The following PIGH variants were observed in gnomAD, a reference collection of about 807,000 sequenced individuals.
PIGH encodes phosphatidylinositol N-acetylglucosaminyltransferase subunit H.
In PIGH, 11 loss-of-function variants were observed where a neutral mutation model predicts 20.1. The observed-to-expected ratio is 0.55, with a 90% CI of 0.34 to 0.91. The LOEUF (loss-of-function observed/expected upper bound fraction) is 0.91, where lower values mean the gene tolerates loss of function less well. Ranked by LOEUF, PIGH falls within the 40% of genes least tolerant of loss-of-function variation. PIGH has a pLI of 0.02. For missense variants in PIGH, 189 were observed against 233.6 expected, an observed-to-expected ratio of 0.81 and a Z score of 1.24; for synonymous variants, 72 against 93.1, an observed-to-expected ratio of 0.77 and a Z score of 1.31.
Position 67,593,792 on chromosome 14 carries a change from A to G in PIGH, c.341T>C (p.Ile114Thr). The G allele has an allele frequency of 6.2e-7, 1 of 1,613,744 alleles. No homozygotes were observed. ...YASGKESTTF[I>T]EMGKVKDIVI... is the part of the protein sequence containing the mutation. ...AATATCCTTGACCTTGCCCATTTCT[A>G]TGAAGGTAGTGCTTTCTTTGCCTGA... Residue 114 changes from isoleucine to threonine, a missense_variant, in exon 2 of 4, where the codon ATA becomes ACA. Ile to Thr is a moderately conservative substitution (Grantham distance 89, BLOSUM62 -1). Transcript: ENST00000216452.
chr14:67,594,857 C>T (rs929422522), intron 1 of PIGH, among the ~76,000 whole-genome samples: 1 of 152,138 alleles, frequency 6.6e-6, no homozygotes, highest in Non-Finnish European at 1.5e-5. Context: ...GTGCTCAGAA[C>T]ACTTACATTA....
chr14:67,597,177 C>A (rs1175777558), intron 1 of PIGH, among the ~76,000 whole-genome samples: 1 of 152,184 alleles, frequency 6.6e-6, no homozygotes, highest in East Asian at 1.9e-4. Context: ...ACTATCTAGT[C>A]TTTTAATGAA....
Position 67,590,148 on chromosome 14 carries a change from A to G in PIGH, c.499T>C (p.Leu167=). The G allele has an allele frequency of 6.4e-7, 1 of 1,551,272 alleles. No homozygotes were observed. The highest frequency in any genetic ancestry group is 1.2e-5 in the South Asian group (1 of 84,022). The change falls in exon 4 of 4, where the codon TTG becomes CTG. Residue 167 remains leucine, a synonymous_variant. Transcript: ENST00000216452. ...TGGCAGCTCCTGTATACTTCAATCA[A>G]GCAGTCCAGCCGGGGCTTGGCACTC... ...FQSAKPRLDC[L]IEVYRSCQEI...
chr14:67,590,415 G>A (rs748706309), intron 3 of PIGH, among the ~76,000 whole-genome samples: 19 of 152,240 alleles, frequency 1.2e-4, no homozygotes, highest in Non-Finnish European at 2.5e-4. Context: ...ACCACGCCCA[G>A]TGGCACAATC....
At chr14:67,599,987 C>T (rs1236144508) in intron 1 of PIGH, 37 bp downstream of exon 1, 1 of 1,524,066 alleles carries the variant, frequency 6.6e-7, no homozygotes, top group East Asian at 2.5e-5. Flanking sequence ...GCCGAACCCC[C>T]TCCTTCGAGC....
At chr14:67,596,661 T>C (rs1350976395) in intron 1 of PIGH, among the ~76,000 whole-genome samples, 3 of 152,136 alleles carry the variant, frequency 2.0e-5, no homozygotes, top group African/African-American at 4.8e-5. Flanking sequence ...CACCCAATTG[T>C]AGCAAGAATC....
chr14:67,592,595 G>C, intron 3 of PIGH, 40 bp downstream of exon 3: 1 of 1,170,994 alleles, frequency 8.5e-7, no homozygotes. Flanking sequence ...TGAAAAGGTT[G>C]AGGAGTAATT....
At chr14:67,595,091 C>T (rs974132989) in intron 1 of PIGH, among the ~76,000 whole-genome samples, 2 of 151,972 alleles carry the variant, frequency 1.3e-5, no homozygotes, top group Non-Finnish European at 2.9e-5. Flanking sequence ...GAGCCGAGAT[C>T]GCGCCACTGC....
chr14:67,589,503 T>C lies in PIGH; in HGVS notation c.*577A>G, dbSNP rs1019392312. 9.1e-6 allele frequency: 9 copies of C among 985,156 alleles called. No individual in the cohort carries two copies. In the African/African-American group the frequency reaches 1.6e-4, roughly 17 times the overall value. 61.0% of individuals were successfully genotyped at this position (985,156 alleles called of 1,614,324 possible). A position where few individuals can be genotyped will look rare whatever the true frequency, so the allele number is the denominator to read the frequency against. Reference sequence around the variant, plus strand: ...ATGACTGAAATACTATGATCTTGTTTGTCAATAAAAAGCAGCTATCTGTGA... The same window carrying C: ...ATGACTGAAATACTATGATCTTGTTCGTCAATAAAAAGCAGCTATCTGTGA... On this transcript the variant is annotated 3_prime_UTR_variant, in exon 4 of 4. Transcript: ENST00000216452.
intron 3 of PIGH, among the ~76,000 whole-genome samples, chr14:67,591,188 G>A (rs2036360600): frequency 6.6e-6 from 1 of 152,048 alleles, no homozygotes; most frequent in South Asian, 2.1e-4. Flanking sequence ...GGTAATACAA[G>A]GAAATATGAA....
At chr14:67,593,131 G>T in intron 2 of PIGH, 1 of 165,892 alleles carries the variant, frequency 6.0e-6, no homozygotes, top group Non-Finnish European at 1.3e-5. Flanking sequence ...TTTCACAAAT[G>T]TTTAAGTAGT....
chr14:67,594,584 C>T (rs1437721822), intron 1 of PIGH, among the ~76,000 whole-genome samples: 3 of 151,180 alleles, frequency 2.0e-5, no homozygotes, highest in African/African-American at 7.3e-5. Context: ...GAGGCGGAGG[C>T]GGAGGTTGCA....
At chr14:67,591,221 C>T (rs2036361409) in intron 3 of PIGH, among the ~76,000 whole-genome samples, 1 of 152,024 alleles carries the variant, frequency 6.6e-6, no homozygotes, top group Non-Finnish European at 1.5e-5. Flanking sequence ...TAAAGAGATA[C>T]AAATTTAATG....
chr14:67,594,685 C>T (rs1246189625), intron 1 of PIGH, among the ~76,000 whole-genome samples: 1 of 151,694 alleles, frequency 6.6e-6, no homozygotes, highest in Non-Finnish European at 1.5e-5. Flanking sequence ...TCCTTTCACA[C>T]TCCCTCAGCA....
chr14:67,596,252 C>G (rs1281538736), intron 1 of PIGH, among the ~76,000 whole-genome samples: 1 of 148,650 alleles, frequency 6.7e-6, no homozygotes, highest in Non-Finnish European at 1.5e-5. Context: ...CCTCAGCCTC[C>G]CTAGTAGCTG....
At chr14:67,599,938 G>A in intron 1 of PIGH, 86 bp downstream of exon 1, 1 of 1,164,194 alleles carries the variant, frequency 8.6e-7, no homozygotes, top group Non-Finnish European at 1.2e-6. Flanking sequence ...GCCGACCAGA[G>A]GTCCGGGCTC....
intron 3 of PIGH, chr14:67,592,272 T>TA: frequency 5.0e-6 from 2 of 400,790 alleles, no homozygotes; most frequent in Admixed American, 3.0e-5. Flanking sequence ...TCATCTCTAC[T>TA]AAAAATAAAA....
At position 67,593,966 on chromosome 14, in the gene PIGH, C is replaced by G; in HGVS notation, c.181-14G>C. 6.4e-7 allele frequency: 1 copy of G among 1,561,918 alleles called. No homozygotes were observed. Among genetic ancestry groups the G allele is most frequent in the Non-Finnish European group, 8.8e-7 (1 of 1,137,254 alleles). ...GATCATGCTGTTCTGAAGAGAGAGC[C>G]AGACACAGACAGTAAGATTACCAAG... On this transcript the variant is annotated splice_polypyrimidine_tract_variant and intron_variant, in intron 1 of 3. Coordinates refer to ENST00000216452, the MANE Select transcript of PIGH (RefSeq NM_004569.5).
At chr14:67,599,538 ACACT>A (rs1163070759) in intron 1 of PIGH, among the ~76,000 whole-genome samples, 3 of 152,198 alleles carry the variant, frequency 2.0e-5, no homozygotes, top group Non-Finnish European at 4.4e-5. Context: ...AAGAACTATA[ACACT>A]CTATCTATAC....
Sources: gnomAD v4.1 joint callset for allele counts (sites outside exome capture counted in the v4.1 genomes callset) on GRCh38, gnomAD v4.1.1 for gene constraint, MANE v1.5 for transcripts, NCBI Gene and HGNC (gene_info 2026-07-23, HGNC 2026-07-21) for gene names.